GRM7: variants seen among roughly 807,000 people sequenced by gnomAD.
GRM7 encodes glutamate metabotropic receptor 7.
GRM7 carries 35 observed loss-of-function variants against 84.5 expected under a neutral mutation model. The observed-to-expected ratio is 0.41, with a 90% CI of 0.32 to 0.55. The LOEUF (loss-of-function observed/expected upper bound fraction) is 0.55, where lower values mean the gene tolerates loss of function less well. GRM7 is among the 20% of genes least tolerant of loss of function. The pLI, the probability that GRM7 is intolerant of heterozygous loss-of-function variation, is 0.19. For synonymous variants in GRM7, 487 were observed against 455.1 expected, an observed-to-expected ratio of 1.07 and a Z score of -0.89; for missense variants, 1,003 against 1,194.6, an observed-to-expected ratio of 0.84 and a Z score of 2.36.
chr3:7,434,729 A>C (rs1575330175), intron 5 of GRM7, among the ~76,000 whole-genome samples: 1 of 152,058 alleles, frequency 6.6e-6, no homozygotes, highest in East Asian at 1.9e-4. Context: ...ATTTTTAATC[A>C]TGAGTATTGG....
chr3:6,990,509 A>G (rs373408744), intron 1 of GRM7, among the ~76,000 whole-genome samples: 30 of 152,160 alleles, frequency 2.0e-4, no homozygotes, highest in African/African-American at 6.5e-4. Flanking sequence ...CTTTTTAGTT[A>G]TTACTATCGA....
chr3:7,623,140 G>T (rs1444272049), intron 8 of GRM7, among the ~76,000 whole-genome samples: 1 of 152,138 alleles, frequency 6.6e-6, no homozygotes, highest in Non-Finnish European at 1.5e-5. Flanking sequence ...GAGAAGTAGA[G>T]GTGATGACTT....
chr3:7,034,981 A>G (rs1696332513), intron 1 of GRM7, among the ~76,000 whole-genome samples: 1 of 152,158 alleles, frequency 6.6e-6, no homozygotes, highest in African/African-American at 2.4e-5. Flanking sequence ...TACAGAGAAC[A>G]TGGCTTCGTG....
At chr3:7,698,081 G>C (rs566260222) in intron 9 of GRM7, among the ~76,000 whole-genome samples, 9 of 152,202 alleles carry the variant, frequency 5.9e-5, no homozygotes, top group Non-Finnish European at 1.2e-4. Flanking sequence ...GCTCCTCCAA[G>C]AGTTTGCAAT....
intron 2 of GRM7, among the ~76,000 whole-genome samples, chr3:7,193,716 C>G (rs1471588487): frequency 1.3e-5 from 2 of 151,968 alleles, no homozygotes; most frequent in African/African-American, 4.8e-5. Flanking sequence ...CTCACATACA[C>G]ATAGGACAGA....
At chr3:6,948,035 T>C (rs1050558468) in intron 1 of GRM7, among the ~76,000 whole-genome samples, 1 of 152,152 alleles carries the variant, frequency 6.6e-6, no homozygotes, top group Non-Finnish European at 1.5e-5. Flanking sequence ...TTTTGAAGGG[T>C]TTATTGTGTC....
chr3:7,160,652 G>T (rs1440036242), intron 2 of GRM7, among the ~76,000 whole-genome samples: 1 of 152,108 alleles, frequency 6.6e-6, no homozygotes, highest in African/African-American at 2.4e-5. Context: ...TTTGTCACTA[G>T]CTCTTCTTTT....
chr3:7,530,169 A>G (rs1700981794), intron 7 of GRM7, among the ~76,000 whole-genome samples: 1 of 134,956 alleles, frequency 7.4e-6, no homozygotes, highest in Non-Finnish European at 1.5e-5. Context: ...TTCAACTCCC[A>G]ATTATAAGTG....
At position 6,963,404 on chromosome 3, in the gene GRM7, T is replaced by C. The variant is rs150042831; in HGVS notation, c.519+101497T>C. ...GAGCTCTATCATGCACAAAGATGTA[T>C]AGATTACTGCATAAAAAATATATCT... On this transcript the variant is annotated intron_variant, in intron 1 of 9. Coordinates refer to ENST00000357716, the MANE Select transcript of GRM7 (RefSeq NM_000844.4). Among the ~76,000 whole-genome samples, 50 of 152,324 alleles carry C rather than the reference T, an allele frequency of 3.3e-4. No homozygotes were observed. In the East Asian group the frequency reaches 7.3e-3, roughly 22 times the overall value.
At position 6,862,002 on chromosome 3, in the gene GRM7, C is replaced by CA; in HGVS notation, c.519+96dup. ...TGGACTCCGGTGGTGCGGGTCAGGT[C>CA]AGCCTTCGCTCATTTCCTCCCTGGA... On this transcript the variant is annotated intron_variant, in intron 1 of 9. Coordinates refer to ENST00000357716, the MANE Select transcript of GRM7 (RefSeq NM_000844.4). This position sits in a 1 kb window ranked among gnomAD's most constrained non-coding sequence, Gnocchi z 5.2. 9.6e-7 allele frequency: 1 copy of CA among 1,036,636 alleles called. No individual in the cohort carries two copies. The highest frequency in any genetic ancestry group is 1.4e-6 in the Non-Finnish European group (1 of 712,272). The allele number at this position is 1,036,636 out of a possible 1,614,324, so 64.2% of individuals were successfully genotyped here.
At chr3:7,488,749 G>T (rs1238436189) in intron 7 of GRM7, among the ~76,000 whole-genome samples, 1 of 152,064 alleles carries the variant, frequency 6.6e-6, no homozygotes, top group Non-Finnish European at 1.5e-5. Flanking sequence ...ACAACATTAA[G>T]CTGACTAACT....
intron 4 of GRM7, among the ~76,000 whole-genome samples, chr3:7,367,469 A>G (rs928486133): frequency 1.3e-5 from 2 of 151,970 alleles, no homozygotes; most frequent in Non-Finnish European, 2.9e-5. Flanking sequence ...AAATATAGTT[A>G]GAATTATTGA....
At chr3:7,006,920 A>G (rs1695198782) in intron 1 of GRM7, among the ~76,000 whole-genome samples, 1 of 152,238 alleles carries the variant, frequency 6.6e-6, no homozygotes, top group Admixed American at 6.5e-5. Flanking sequence ...AACGATAAAT[A>G]AAGCATATGA....
rs1019877199 is a variant in GRM7, at chr3:7,515,333, G to A, written c.1515+53611G>A. On this transcript the variant is annotated intron_variant, in intron 7 of 9. Coordinates refer to ENST00000357716, the MANE Select transcript of GRM7 (RefSeq NM_000844.4). ...AGGGAGGAAGGGAGACAGGTGCCCC[G>A]TGCATTGTAGCAGGTTTAGCTTTGG... is the stretch of plus-strand genomic sequence containing the variant. 4.6e-5 allele frequency among the ~76,000 whole-genome samples: 7 copies of A among 151,850 alleles called. No homozygotes were observed. The East Asian group carries it at 1.2e-3, about 25-fold the overall frequency.
At chr3:6,895,333 G>C (rs1314452737) in intron 1 of GRM7, among the ~76,000 whole-genome samples, 3 of 152,132 alleles carry the variant, frequency 2.0e-5, no homozygotes, top group African/African-American at 4.8e-5. Context: ...AGAATGGAAA[G>C]CTGCCTTAAG....
chr3:7,628,665 T>C lies in GRM7; in HGVS notation c.2451+49308T>C, dbSNP rs561463197. Among the ~76,000 whole-genome samples the C allele has an allele frequency of 3.9e-5, 6 of 152,272 alleles. No individual in the cohort carries two copies. The East Asian group carries it at 9.7e-4, about 24-fold the overall frequency. ...CTCAGGTTTGGGAGTCCAAAAAGCC[T>C]TCCTAGATGAGGAGGCATTTGAGAG... On this transcript the variant is annotated intron_variant, in intron 8 of 9. Coordinates refer to ENST00000357716, the MANE Select transcript of GRM7 (RefSeq NM_000844.4).
intron 2 of GRM7, among the ~76,000 whole-genome samples, chr3:7,203,577 T>G (rs2125115870): frequency 6.6e-6 from 1 of 152,320 alleles, no homozygotes; most frequent in Non-Finnish European, 1.5e-5. Context: ...ATCATTTTTA[T>G]ATACAGCTTT....
intron 5 of GRM7, among the ~76,000 whole-genome samples, chr3:7,447,992 A>G (rs1208984881): frequency 6.9e-6 from 1 of 145,944 alleles, no homozygotes; most frequent in Non-Finnish European, 1.5e-5. Flanking sequence ...GAGTGAGAAC[A>G]TGCGGTGTTT....
At chr3:6,992,159 A>G (rs1167834636) in intron 1 of GRM7, among the ~76,000 whole-genome samples, 1 of 152,200 alleles carries the variant, frequency 6.6e-6, no homozygotes, top group East Asian at 1.9e-4. Context: ...TTGTCCAGGA[A>G]AATGACTCTT....
Sources: allele counts gnomAD v4.1 joint callset (sites outside exome capture counted in the v4.1 genomes callset), GRCh38; gene constraint gnomAD v4.1.1; non-coding constraint Gnocchi (gnomAD v3.1); transcripts MANE v1.5; gene names NCBI Gene and HGNC (gene_info 2026-07-23, HGNC 2026-07-21).